SEL1L: variants seen among roughly 807,000 people sequenced by gnomAD.
SEL1L encodes the protein SEL1L adaptor subunit of SYVN1 ubiquitin ligase, also known as protein sel-1 homolog 1.
SEL1L carries 52 observed loss-of-function variants against 109.8 expected under a neutral mutation model. The ratio of observed to expected loss-of-function variants is 0.47; its 90% CI spans 0.38 to 0.60. The LOEUF (loss-of-function observed/expected upper bound fraction) is 0.60, where lower values mean the gene tolerates loss of function less well. Ranked by LOEUF, SEL1L falls within the 20% of genes least tolerant of loss-of-function variation. The pLI is 0.00. For missense variants in SEL1L, 749 were observed against 962.2 expected (o/e 0.78, Z 2.93); for synonymous variants, 373 against 339.6 (o/e 1.10, Z -1.08).
intron 3 of SEL1L, among the ~76,000 whole-genome samples, chr14:81,514,387 C>T (rs1309905546): frequency 6.6e-6 from 1 of 152,226 alleles, no homozygotes; most frequent in African/African-American, 2.4e-5. Context: ...CAGGGCATAA[C>T]ATCTTTATAG....
intron 20 of SEL1L, 121 bp from the exon 21 acceptor site, chr14:81,477,302 AATGTGTGTGTGTGTGTGTGT>A: frequency 2.5e-6 from 1 of 403,992 alleles, no homozygotes; most frequent in South Asian, 2.3e-5. Flanking sequence ...AACGTTTTGC[AATGTGTGTGTGTGTGTGTGT>A]GTGTGTGTGT....
chr14:81,493,774 T>A (rs2140003229), intron 11 of SEL1L, among the ~76,000 whole-genome samples: 1 of 152,294 alleles, frequency 6.6e-6, no homozygotes, highest in East Asian at 1.9e-4. Flanking sequence ...AATCTAAATT[T>A]CAGCTCACCT....
chr14:81,479,235 G>A (rs182047808), intron 20 of SEL1L: 1 of 153,948 alleles, frequency 6.5e-6, no homozygotes, highest in East Asian at 1.9e-4. Flanking sequence ...GAGGTTCTCA[G>A]ATTCTTCTTT....
chr14:81,487,369 A>C, intron 16 of SEL1L, 21 bp downstream of exon 16: 1 of 1,554,176 alleles, frequency 6.4e-7, no homozygotes, highest in Non-Finnish European at 8.6e-7. Context: ...CCTACACACA[A>C]GCTGGTAGGA....
At chr14:81,481,934 G>A (rs1903370088) in intron 19 of SEL1L, among the ~76,000 whole-genome samples, 1 of 152,020 alleles carries the variant, frequency 6.6e-6, no homozygotes, top group Admixed American at 6.6e-5. Flanking sequence ...GGGAGGCTGA[G>A]GCAGGAGAAT....
Position 81,506,030 on chromosome 14 carries a change from GAC to G in SEL1L, c.508+42_508+43del. ...AAAAGGCCTTAAAAACATTGCCCTA[GAC>G]ATAAAGCAATGCAGATCTGCCTCCT... On this transcript the variant is annotated intron_variant, in intron 4 of 20. Transcript: ENST00000336735. 4.4e-6 allele frequency: 7 copies of G among 1,584,608 alleles called. No homozygotes were observed. The South Asian group carries it at 7.9e-5, about 18-fold the overall frequency.
chr14:81,512,811 T>A (rs928866444), intron 3 of SEL1L, among the ~76,000 whole-genome samples: 2 of 152,262 alleles, frequency 1.3e-5, no homozygotes, highest in East Asian at 3.8e-4. Flanking sequence ...CTCCTTATGA[T>A]GGCGTTTTAA....
Position 81,499,504 on chromosome 14 carries a change from A to G in SEL1L, c.846T>C (p.Tyr282=), listed in dbSNP as rs751390556. The change falls in exon 8 of 21, where the codon TAT becomes TAC. Residue 282 remains tyrosine (Y), a synonymous_variant. Transcript: ENST00000336735. ...NSSQAKALVY[Y]TFGALGGNLI... is the part of the protein sequence containing the mutation. ...GATTGCCCCCAAGAGCTCCAAATGT[A>G]TAATATACAAGAGCCTGTGAAAGAA... 2.5e-6 allele frequency: 4 copies of G among 1,612,668 alleles called. No homozygotes were observed. Among genetic ancestry groups the G allele is most frequent in the Non-Finnish European group, 2.5e-6 (3 of 1,179,644 alleles).
chr14:81,523,665 T>C (rs891103732), intron 3 of SEL1L, among the ~76,000 whole-genome samples: 3 of 152,220 alleles, frequency 2.0e-5, no homozygotes, highest in Non-Finnish European at 4.4e-5. Flanking sequence ...ATGATTGGCA[T>C]CTCAAGTAGC....
At chr14:81,485,148 T>C (rs1416530939) in intron 18 of SEL1L, among the ~76,000 whole-genome samples, 1 of 152,224 alleles carries the variant, frequency 6.6e-6, no homozygotes, top group African/African-American at 2.4e-5. Flanking sequence ...GAGTGAATCA[T>C]AGCTTGATGG....
intron 2 of SEL1L, 111 bp from the exon 3 acceptor site, chr14:81,527,075 T>G: frequency 1.3e-6 from 1 of 761,594 alleles, no homozygotes. Context: ...CTCCTTGAAG[T>G]GCCACACTCA....
intron 1 of SEL1L, among the ~76,000 whole-genome samples, chr14:81,532,756 A>G (rs1885379370): frequency 6.6e-6 from 1 of 152,160 alleles, no homozygotes; most frequent in African/African-American, 2.4e-5. Context: ...GAAAAAGCTG[A>G]CATTTATACT....
At chr14:81,502,661 C>A in intron 6 of SEL1L, 60 bp downstream of exon 6, 1 of 1,531,060 alleles carries the variant, frequency 6.5e-7, no homozygotes, top group Non-Finnish European at 8.9e-7. Context: ...AGAGAGTAAA[C>A]TGCTTTTAAA....
intron 11 of SEL1L, among the ~76,000 whole-genome samples, chr14:81,492,935 G>C (rs1595510253): frequency 6.6e-6 from 1 of 152,114 alleles, no homozygotes; most frequent in East Asian, 1.9e-4. Context: ...GGAAAAACTA[G>C]AAGTCTTTCC....
intron 9 of SEL1L, 135 bp from the exon 10 acceptor site, chr14:81,498,181 A>C: frequency 1.1e-6 from 1 of 938,400 alleles, no homozygotes; most frequent in Non-Finnish European, 1.6e-6. Context: ...TAGTCTATAT[A>C]GATCGCAAAT....
chr14:81,499,555 C>T (rs1883915010), intron 7 of SEL1L, 37 bp from the exon 8 acceptor site: 1 of 1,607,026 alleles, frequency 6.2e-7, no homozygotes, highest in Non-Finnish European at 8.5e-7. Context: ...TGAACATAGG[C>T]ACGCATTTAT....
Position 81,517,156 on chromosome 14 carries a change from A to G in SEL1L, c.340+9577T>C, listed in dbSNP as rs534857586. On this transcript the variant is annotated intron_variant, in intron 3 of 20. Coordinates refer to ENST00000336735, the MANE Select transcript of SEL1L (RefSeq NM_005065.6). Reference sequence around the variant, plus strand: ...TGGTCATGGAGTCATCCACAGTATGAAGCAGTAGCTGAGCTGCTGTTTGTT... The same window carrying G: ...TGGTCATGGAGTCATCCACAGTATGGAGCAGTAGCTGAGCTGCTGTTTGTT... Among the ~76,000 whole-genome samples the G allele has an allele frequency of 3.7e-4, 57 of 152,292 alleles. No individual in the cohort carries two copies. The South Asian group carries it at 0.011, about 30-fold the overall frequency.
Position 81,502,823 on chromosome 14 carries a change from C to T in SEL1L, c.675G>A (p.Val225=), listed in dbSNP as rs753785132. ...SMNHTKALER[V]SYALLFGDYL... is the part of the protein sequence containing the mutation. ...AATCACCAAATAAAAGAGCATATGACACTCTCTCCAGGGCTTTGGTATGGT... is the reference window on the plus strand; with the variant it reads ...AATCACCAAATAAAAGAGCATATGATACTCTCTCCAGGGCTTTGGTATGGT... Residue 225 remains valine, a synonymous_variant, in exon 6 of 21, where the codon GTG becomes GTA. Coordinates refer to ENST00000336735, the MANE Select transcript of SEL1L (RefSeq NM_005065.6). The T allele has an allele frequency of 1.9e-6, 3 of 1,614,108 alleles. No individual in the cohort carries two copies. The highest frequency in any genetic ancestry group is 1.6e-4 in the Middle Eastern group (1 of 6,062).
rs115302752 is a variant in SEL1L, at chr14:81,531,113, C to A, written c.70+2562G>T. Reference sequence around the variant, plus strand: ...ACTATACACTATTGTAAACACTGTACACTTAAACTACACTAAATTTATTTT... The same window carrying A: ...ACTATACACTATTGTAAACACTGTAAACTTAAACTACACTAAATTTATTTT... On this transcript the variant is annotated intron_variant, in intron 1 of 20. Coordinates refer to ENST00000336735, the MANE Select transcript of SEL1L (RefSeq NM_005065.6). Among the ~76,000 whole-genome samples the A allele has an allele frequency of 6.0e-3, 913 of 152,254 alleles. 9 individuals are homozygous for A. Among genetic ancestry groups the A allele is most frequent in the African/African-American group, 0.021 (865 of 41,530 alleles).
Sources: gnomAD v4.1 joint callset for allele counts (sites outside exome capture counted in the v4.1 genomes callset) on GRCh38, gnomAD v4.1.1 for gene constraint, MANE v1.5 for transcripts, NCBI Gene and HGNC (gene_info 2026-07-23, HGNC 2026-07-21) for gene names.